The following PRKAR2B variants were observed in gnomAD, a reference collection of about 807,000 sequenced individuals.
PRKAR2B encodes the protein protein kinase cAMP-dependent type II regulatory subunit beta.
Under a neutral mutation model 49.9 loss-of-function variants are expected in PRKAR2B, and 14 were observed. The ratio of observed to expected loss-of-function variants is 0.28; its 90% CI spans 0.19 to 0.44. The LOEUF (loss-of-function observed/expected upper bound fraction) is 0.44. PRKAR2B is among the 20% of genes least tolerant of loss of function. The pLI is 1.00. For synonymous variants in PRKAR2B, 196 were observed against 197.7 expected (o/e 0.99, Z 0.07); for missense variants, 393 against 537.9 (o/e 0.73, Z 2.67).
At chr7:107,083,654 C>A (rs1427871820) in intron 2 of PRKAR2B, among the ~76,000 whole-genome samples, 1 of 152,018 alleles carries the variant, frequency 6.6e-6, no homozygotes, top group Non-Finnish European at 1.5e-5. Context: ...GCTCTGTCAC[C>A]CAGGCTGGAG....
chr7:107,126,003 C>CT lies in PRKAR2B; in HGVS notation c.397-2207dup, dbSNP rs940466453. 2.1e-5 allele frequency among the ~76,000 whole-genome samples: 3 copies of CT among 146,194 alleles called. No individual in the cohort carries two copies. The Admixed American group carries it at 2.1e-4, about 10-fold the overall frequency. The stretch of plus-strand genomic sequence containing the variant: ...TCAGGAGGCTGAGGCAGGAGAGTCG[C>CT]TTGAACCCAGGAGGCAAAGGTTGTA... On this transcript the variant is annotated intron_variant, in intron 3 of 10. Transcript: ENST00000265717.
chr7:107,099,969 T>TTTG (rs763538586), intron 2 of PRKAR2B, among the ~76,000 whole-genome samples: 82 of 152,124 alleles, frequency 5.4e-4, no homozygotes, highest in Non-Finnish European at 7.2e-4. Flanking sequence ...GTTGCTTGTT[T>TTTG]TTGTTGTTGT....
rs3729873 is a variant in PRKAR2B, at chr7:107,140,925, G to A, written c.559G>A (p.Asp187Asn). ...DGEHVIDQGD[D>N]GDNFYVIDRG... ...GGAGCATGTAATTGATCAAGGTGAC[G>A]ATGGTGACAACTTTTATGTAATTGA... The change falls in exon 5 of 11, where the codon GAT becomes AAT. Residue 187 changes from aspartate to asparagine, a missense_variant. Physicochemically the swap from Asp to Asn is conservative, Grantham distance 23. Coordinates refer to ENST00000265717, the MANE Select transcript of PRKAR2B (RefSeq NM_002736.3). 357 of 1,612,790 alleles carry A rather than the reference G, an allele frequency of 2.2e-4. 1 individual carries two copies. Among genetic ancestry groups the A allele is most frequent in the Non-Finnish European group, 2.7e-4 (324 of 1,179,380 alleles).
At chr7:107,051,731 A>C (rs1413618632) in intron 1 of PRKAR2B, among the ~76,000 whole-genome samples, 1 of 152,186 alleles carries the variant, frequency 6.6e-6, no homozygotes, top group Admixed American at 6.5e-5. Flanking sequence ...GTGTAGCTTA[A>C]TATGTTTGGA....
intron 5 of PRKAR2B, among the ~76,000 whole-genome samples, chr7:107,143,630 G>A (rs139351291): frequency 2.6e-5 from 4 of 152,282 alleles, no homozygotes; most frequent in East Asian, 3.9e-4. Flanking sequence ...CTTATTGGTA[G>A]CATATAAATT....
intron 2 of PRKAR2B, among the ~76,000 whole-genome samples, chr7:107,084,111 T>G (rs1794567278): frequency 6.6e-6 from 1 of 152,210 alleles, no homozygotes; most frequent in African/African-American, 2.4e-5. Flanking sequence ...TTGCACTAAA[T>G]TCCAATAAAG....
At chr7:107,094,623 G>C (rs1794800316) in intron 2 of PRKAR2B, among the ~76,000 whole-genome samples, 1 of 152,132 alleles carries the variant, frequency 6.6e-6, no homozygotes, top group African/African-American at 2.4e-5. Flanking sequence ...TTTTCTTCTA[G>C]GTTTTTTATG....
chr7:107,057,383 A>G (rs971512433), intron 1 of PRKAR2B, among the ~76,000 whole-genome samples: 2 of 149,198 alleles, frequency 1.3e-5, no homozygotes, highest in African/African-American at 2.5e-5. Context: ...TTCCCACTCC[A>G]CTAATTTTCA....
At chr7:107,101,412 C>T (rs1690282403) in intron 2 of PRKAR2B, among the ~76,000 whole-genome samples, 1 of 152,032 alleles carries the variant, frequency 6.6e-6, no homozygotes, top group African/African-American at 2.4e-5. Context: ...TAACTCATAC[C>T]TCCTCTAAGT....
At chr7:107,114,240 G>A (rs1795225292) in intron 2 of PRKAR2B, among the ~76,000 whole-genome samples, 1 of 151,636 alleles carries the variant, frequency 6.6e-6, no homozygotes, top group South Asian at 2.1e-4. Flanking sequence ...CTGACATAGG[G>A]TATTGTTTTT....
At chr7:107,103,603 T>A (rs961655797) in intron 2 of PRKAR2B, among the ~76,000 whole-genome samples, 1 of 152,160 alleles carries the variant, frequency 6.6e-6, no homozygotes, top group African/African-American at 2.4e-5. Flanking sequence ...TAACAGGAAG[T>A]GAGACAGTCA....
At chr7:107,049,746 A>T (rs2116745163) in intron 1 of PRKAR2B, among the ~76,000 whole-genome samples, 1 of 152,328 alleles carries the variant, frequency 6.6e-6, no homozygotes, top group South Asian at 2.1e-4. Flanking sequence ...GTTATACAGT[A>T]ATAAAATCCA....
At chr7:107,074,837 A>G (rs56704102) in intron 2 of PRKAR2B, among the ~76,000 whole-genome samples, 10,174 of 152,040 alleles carry the variant, frequency 0.067, 476 homozygotes, top group Middle Eastern at 0.16. Context: ...TAGTGGTGGT[A>G]GTAGTAGTAG....
Position 107,157,280 on chromosome 7 carries a change from C to T in PRKAR2B, c.1079C>T (p.Pro360Leu). 6.2e-7 allele frequency: 1 copy of T among 1,614,184 alleles called. No individual in the cohort carries two copies. Among genetic ancestry groups the T allele is most frequent in the Non-Finnish European group, 8.5e-7 (1 of 1,180,028 alleles). Residue 360 changes from proline to leucine, a missense_variant, in exon 10 of 11, where the codon CCT (proline) becomes CTT (leucine). Pro to Leu is a moderately conservative substitution (Grantham distance 98). Transcript: ENST00000265717. ...FGELALVTNKPRAASAHAIGT... is the reference protein window; with the variant it reads ...FGELALVTNKLRAASAHAIGT... Reference sequence around the variant, plus strand: ...GAGCTTGCCCTGGTAACTAACAAACCTCGAGCAGCTTCTGCCCACGCCATT... The same window carrying T: ...GAGCTTGCCCTGGTAACTAACAAACTTCGAGCAGCTTCTGCCCACGCCATT...
chr7:107,138,220 C>A (rs1027590286), intron 4 of PRKAR2B, among the ~76,000 whole-genome samples: 1 of 151,940 alleles, frequency 6.6e-6, no homozygotes, highest in African/African-American at 2.4e-5. Flanking sequence ...AATAGCAAAC[C>A]CTAATATAAA....
chr7:107,054,259 C>T, intron 1 of PRKAR2B, among the ~76,000 whole-genome samples: 1 of 152,148 alleles, frequency 6.6e-6, no homozygotes, highest in Non-Finnish European at 1.5e-5. Context: ...GAGGCTGAGG[C>T]AGGAGAATGG....
At chr7:107,075,099 AT>A (rs1794371434) in intron 2 of PRKAR2B, among the ~76,000 whole-genome samples, 1 of 150,610 alleles carries the variant, frequency 6.6e-6, no homozygotes, top group Non-Finnish European at 1.5e-5. Flanking sequence ...GATTTTTATT[AT>A]TTTTAAATTT....
At chr7:107,141,734 A>G (rs1405003487) in intron 5 of PRKAR2B, among the ~76,000 whole-genome samples, 1 of 152,164 alleles carries the variant, frequency 6.6e-6, no homozygotes, top group Non-Finnish European at 1.5e-5. Context: ...AGGAAATGCA[A>G]ATATTTCACA....
chr7:107,152,345 C>G (rs1013398136), intron 7 of PRKAR2B, among the ~76,000 whole-genome samples: 5 of 152,196 alleles, frequency 3.3e-5, no homozygotes, highest in Non-Finnish European at 7.3e-5. Flanking sequence ...TGCCACTCCT[C>G]AAACACACCT....
Sources: allele counts gnomAD v4.1 joint callset (sites outside exome capture counted in the v4.1 genomes callset), GRCh38; gene constraint gnomAD v4.1.1; transcripts MANE v1.5; gene names NCBI Gene and HGNC (gene_info 2026-07-23, HGNC 2026-07-21).